SPAG16: variants seen among roughly 807,000 people sequenced by gnomAD.
The protein encoded by SPAG16 is sperm-associated antigen 16 protein.
SPAG16 carries 86 observed loss-of-function variants against 80.4 expected under a neutral mutation model. The observed-to-expected ratio is 1.07, with a 90% CI of 0.90 to 1.28. SPAG16 has a LOEUF of 1.28. SPAG16 is among the 50% of genes most tolerant of loss of function. SPAG16 has a pLI of 0.00. For synonymous variants in SPAG16, 294 were observed against 265.9 expected, an observed-to-expected ratio of 1.11 and a Z score of -1.03; for missense variants, 870 against 765.3, an observed-to-expected ratio of 1.14 and a Z score of -1.61.
intron 10 of SPAG16, among the ~76,000 whole-genome samples, chr2:213,593,055 A>T (rs2060759939): frequency 6.6e-6 from 1 of 152,088 alleles, no homozygotes; most frequent in African/African-American, 2.4e-5. Context: ...ATTAGGGAAA[A>T]ACTCAATCCG....
chr2:213,588,198 T>G (rs913487636), intron 10 of SPAG16, among the ~76,000 whole-genome samples: 4 of 151,656 alleles, frequency 2.6e-5, no homozygotes, highest in Admixed American at 2.6e-4. Context: ...AGCAATATAT[T>G]AAGCATCAAA....
At chr2:213,593,583 T>C (rs2060780416) in intron 10 of SPAG16, among the ~76,000 whole-genome samples, 1 of 151,900 alleles carries the variant, frequency 6.6e-6, no homozygotes, top group Admixed American at 6.6e-5. Flanking sequence ...TTTCTGTCAA[T>C]GTTGTAAGTC....
At chr2:213,592,599 C>T (rs765551441) in intron 10 of SPAG16, among the ~76,000 whole-genome samples, 2 of 152,132 alleles carry the variant, frequency 1.3e-5, no homozygotes, top group Non-Finnish European at 2.9e-5. Context: ...CTAGATGACT[C>T]CTTAGTCCCT....
intron 10 of SPAG16, among the ~76,000 whole-genome samples, chr2:213,580,986 C>T (rs927915066): frequency 6.6e-6 from 1 of 151,856 alleles, no homozygotes; most frequent in Admixed American, 6.6e-5. Flanking sequence ...TCCTGTTTTG[C>T]TTAATAAGAT....
intron 9 of SPAG16, among the ~76,000 whole-genome samples, chr2:213,449,331 C>T (rs529789997): frequency 4.6e-5 from 7 of 152,226 alleles, no homozygotes; most frequent in African/African-American, 1.4e-4. Context: ...CTGCTTTTTC[C>T]CTTTGTCCTG....
intron 10 of SPAG16, among the ~76,000 whole-genome samples, chr2:213,738,184 A>AGG: frequency 6.6e-6 from 1 of 152,214 alleles, no homozygotes; most frequent in Non-Finnish European, 1.5e-5. Flanking sequence ...AACATTTTGT[A>AGG]GAGCCAGTAT....
intron 13 of SPAG16, among the ~76,000 whole-genome samples, chr2:214,065,492 G>A (rs1374202761): frequency 6.6e-6 from 1 of 152,014 alleles, no homozygotes; most frequent in Admixed American, 6.6e-5. Context: ...TTTAAAGTGG[G>A]AAGAACAAAA....
intron 12 of SPAG16, among the ~76,000 whole-genome samples, chr2:214,000,185 C>A (rs1366667528): frequency 2.6e-5 from 4 of 152,124 alleles, no homozygotes; most frequent in Non-Finnish European, 5.9e-5. Flanking sequence ...GAATTGTACT[C>A]CCATAATTTC....
intron 14 of SPAG16, among the ~76,000 whole-genome samples, chr2:214,127,532 A>C (rs1396639073): frequency 1.3e-5 from 2 of 151,876 alleles, no homozygotes; most frequent in Non-Finnish European, 2.9e-5. Flanking sequence ...AGGAAAACAC[A>C]ATATTTATTT....
chr2:214,369,537 G>T (rs1360984276), intron 15 of SPAG16, among the ~76,000 whole-genome samples: 1 of 151,934 alleles, frequency 6.6e-6, no homozygotes, highest in Non-Finnish European at 1.5e-5. Flanking sequence ...CATTTTAACT[G>T]TATCTCAATA....
chr2:214,338,848 G>T (rs996072068), intron 15 of SPAG16, among the ~76,000 whole-genome samples: 3 of 152,060 alleles, frequency 2.0e-5, no homozygotes, highest in African/African-American at 7.2e-5. Context: ...GAATAGTTGC[G>T]ATTTTTGTTG....
At chr2:214,197,201 T>A (rs1324101565) in intron 15 of SPAG16, among the ~76,000 whole-genome samples, 2 of 152,052 alleles carry the variant, frequency 1.3e-5, no homozygotes, top group Admixed American at 1.3e-4. Context: ...CAATATTATT[T>A]AGAGTTCTGA....
At chr2:213,688,523 G>A (rs1411470530) in intron 10 of SPAG16, among the ~76,000 whole-genome samples, 1 of 152,148 alleles carries the variant, frequency 6.6e-6, no homozygotes, top group Non-Finnish European at 1.5e-5. Flanking sequence ...TCTTTGTCAT[G>A]TAATGTTATG....
chr2:213,764,817 C>T (rs1377397190), intron 10 of SPAG16, among the ~76,000 whole-genome samples: 1 of 152,064 alleles, frequency 6.6e-6, no homozygotes, highest in Non-Finnish European at 1.5e-5. Flanking sequence ...TATTATAATT[C>T]ATTGCCATCT....
chr2:214,118,348 G>A (rs1385786184), intron 14 of SPAG16, among the ~76,000 whole-genome samples: 1 of 152,022 alleles, frequency 6.6e-6, no homozygotes, highest in Non-Finnish European at 1.5e-5. Flanking sequence ...ACTAATAAAT[G>A]GAAAGATACC....
chr2:213,559,210 C>T (rs549322124), intron 10 of SPAG16, among the ~76,000 whole-genome samples: 1 of 152,020 alleles, frequency 6.6e-6, no homozygotes, highest in Non-Finnish European at 1.5e-5. Context: ...CAACTGTCAT[C>T]CTGAACCGTC....
chr2:214,022,822 T>G (rs1168578523), intron 13 of SPAG16, among the ~76,000 whole-genome samples: 2 of 152,098 alleles, frequency 1.3e-5, no homozygotes, highest in African/African-American at 4.8e-5. Flanking sequence ...TTTCTTTCCA[T>G]TTATATTAAC....
chr2:213,584,009 G>A (rs2060382385), intron 10 of SPAG16, among the ~76,000 whole-genome samples: 1 of 152,154 alleles, frequency 6.6e-6, no homozygotes, highest in African/African-American at 2.4e-5. Flanking sequence ...GAAAAATCAT[G>A]GACTAACCTT....
Position 214,410,444 on chromosome 2 carries a change from T to C in SPAG16, c.*129T>C. 1 of 820,742 alleles carries C rather than the reference T, an allele frequency of 1.2e-6. No individual in the cohort carries two copies. Among genetic ancestry groups the C allele is most frequent in the Non-Finnish European group, 1.8e-6 (1 of 544,770 alleles). The allele number at this position is 820,742 out of a possible 1,614,324, so 50.8% of individuals were successfully genotyped here. ...ATTTACAGTCTGCTTTAAAACATGC[T>C]TTGGACATATATTTTAGTGCTCATA... On this transcript the variant is annotated 3_prime_UTR_variant, in exon 16 of 16. Transcript: ENST00000331683.
Sources: allele counts gnomAD v4.1 joint callset (sites outside exome capture counted in the v4.1 genomes callset), GRCh38; gene constraint gnomAD v4.1.1; transcripts MANE v1.5; gene names NCBI Gene and HGNC (gene_info 2026-07-23, HGNC 2026-07-21).